CEP43: variants seen among roughly 807,000 people sequenced by gnomAD.
The protein encoded by CEP43 is FGFR1 oncogene partner.
CEP43 carries 36 observed loss-of-function variants against 52.6 expected under a neutral mutation model. That is an observed-to-expected ratio of 0.68 (90% confidence interval 0.52 to 0.90). CEP43 has a LOEUF of 0.90. Among genes scored for constraint, CEP43 ranks in the 40% least tolerant of loss-of-function variants. The pLI is 0.00. For missense variants in CEP43, 506 were observed against 472.8 expected (o/e 1.07, Z -0.65); for synonymous variants, 192 against 172.4 (o/e 1.11, Z -0.89).
At chr6:167,018,425 C>T (rs1241409763) in intron 7 of CEP43, among the ~76,000 whole-genome samples, 1 of 152,060 alleles carries the variant, frequency 6.6e-6, no homozygotes, top group Non-Finnish European at 1.5e-5. Context: ...GATTCTCGCT[C>T]TGTCACCAGG....
At chr6:167,035,684 A>G (rs1004011063) in intron 12 of CEP43, among the ~76,000 whole-genome samples, 24 of 151,102 alleles carry the variant, frequency 1.6e-4, no homozygotes, top group African/African-American at 5.6e-4. Context: ...CTGCTGCCTC[A>G]GCCTCCCGCG....
At chr6:167,026,146 C>T (rs1324585983) in intron 9 of CEP43, among the ~76,000 whole-genome samples, 3 of 152,090 alleles carry the variant, frequency 2.0e-5, no homozygotes, top group Non-Finnish European at 4.4e-5. Flanking sequence ...GGGTGGATCA[C>T]GAGGTCAGGA....
At chr6:167,006,461 G>A (rs1045963707) in intron 5 of CEP43, among the ~76,000 whole-genome samples, 2 of 152,036 alleles carry the variant, frequency 1.3e-5, no homozygotes, top group Non-Finnish European at 2.9e-5. Context: ...GCAGTGAGGC[G>A]AGGTCGTGCC....
chr6:167,024,638 T>G (rs1384360861), intron 8 of CEP43, 144 bp from the exon 9 acceptor site: 22 of 663,288 alleles, frequency 3.3e-5, no homozygotes, highest in Non-Finnish European at 5.6e-5. Flanking sequence ...ACTTTATGGT[T>G]TTGAATCTTT....
chr6:167,024,946 T>C, intron 9 of CEP43, 52 bp downstream of exon 9: 1 of 974,038 alleles, frequency 1.0e-6, no homozygotes, highest in Non-Finnish European at 1.6e-6. Flanking sequence ...TTTCTCTAAT[T>C]AAATACTATG....
chr6:167,015,596 G>A (rs988146532), intron 7 of CEP43, among the ~76,000 whole-genome samples: 1 of 152,182 alleles, frequency 6.6e-6, no homozygotes, highest in African/African-American at 2.4e-5. Flanking sequence ...CTGGGCATGC[G>A]ATGCAGGAGG....
chr6:167,024,859 C>T lies in CEP43; in HGVS notation c.884C>T (p.Ser295Phe). The T allele has an allele frequency of 6.2e-7, 1 of 1,611,424 alleles. No individual in the cohort carries two copies. Among genetic ancestry groups the T allele is most frequent in the Middle Eastern group, 1.7e-4 (1 of 6,058 alleles). ...DAPPLKSGLSSLAGAPSLKDS... is the reference protein window; with the variant it reads ...DAPPLKSGLSFLAGAPSLKDS... ...CCCCCCTTAAAAAGTGGACTCAGCTCCCTGGCGGGAGCCCCTTCTTTAAAA... is the reference window on the plus strand; with the variant it reads ...CCCCCCTTAAAAAGTGGACTCAGCTTCCTGGCGGGAGCCCCTTCTTTAAAA... Residue 295 changes from serine to phenylalanine, a missense_variant, in exon 9 of 13, where the codon TCC becomes TTC. Coordinates refer to ENST00000366847, the MANE Select transcript of CEP43 (RefSeq NM_007045.4).
At chr6:167,016,095 A>T (rs765180724) in intron 7 of CEP43, among the ~76,000 whole-genome samples, 1 of 151,896 alleles carries the variant, frequency 6.6e-6, no homozygotes, top group East Asian at 1.9e-4. Flanking sequence ...AGAAAATTAT[A>T]ACAGACTTTT....
At chr6:167,016,657 C>T (rs1273429694) in intron 7 of CEP43, among the ~76,000 whole-genome samples, 1 of 152,156 alleles carries the variant, frequency 6.6e-6, no homozygotes, top group Non-Finnish European at 1.5e-5. Context: ...TTGGCAGTCA[C>T]CTGAGGATTT....
At chr6:167,001,274 C>G (rs1014444484) in intron 2 of CEP43, among the ~76,000 whole-genome samples, 9 of 152,222 alleles carry the variant, frequency 5.9e-5, no homozygotes, top group African/African-American at 2.2e-4. Context: ...CTTGTGTATA[C>G]TTTCAAGTCT....
At chr6:167,017,570 A>C (rs982814929) in intron 7 of CEP43, among the ~76,000 whole-genome samples, 2 of 151,208 alleles carry the variant, frequency 1.3e-5, no homozygotes, top group Non-Finnish European at 2.9e-5. Context: ...CTACATGAAC[A>C]GTTTGGAAAA....
chr6:167,006,524 AAAG>A (rs1779858355), intron 5 of CEP43, among the ~76,000 whole-genome samples: 1 of 152,320 alleles, frequency 6.6e-6, no homozygotes, highest in South Asian at 2.1e-4. Context: ...AAAAAGAAAA[AAAG>A]AAAATATTTG....
intron 5 of CEP43, among the ~76,000 whole-genome samples, chr6:167,010,435 A>G (rs1346398973): frequency 6.6e-6 from 1 of 152,232 alleles, no homozygotes; most frequent in Non-Finnish European, 1.5e-5. Flanking sequence ...AAAATGAAGT[A>G]GGGAAACAAA....
intron 9 of CEP43, among the ~76,000 whole-genome samples, chr6:167,026,205 A>T (rs2128665357): frequency 6.6e-6 from 1 of 152,318 alleles, no homozygotes; most frequent in Middle Eastern, 3.4e-3. Context: ...TCTACTAAAA[A>T]TACAAAAATT....
intron 5 of CEP43, among the ~76,000 whole-genome samples, chr6:167,008,855 G>T (rs536317598): frequency 6.6e-6 from 1 of 152,278 alleles, no homozygotes; most frequent in Admixed American, 6.5e-5. Flanking sequence ...TAGAAGATTT[G>T]TGGAGGTTAG....
At chr6:167,021,046 A>G (rs1026696137) in intron 7 of CEP43, among the ~76,000 whole-genome samples, 1 of 150,166 alleles carries the variant, frequency 6.7e-6, no homozygotes, top group Non-Finnish European at 1.5e-5. Flanking sequence ...CCTGGATGAC[A>G]TAGTGAGAGC....
Position 167,000,073 on chromosome 6 carries a change from C to G in CEP43, c.116C>G (p.Ala39Gly). Residue 39 changes from alanine to glycine, a missense_variant, in exon 2 of 13, where the codon GCA becomes GGA. Coordinates refer to ENST00000366847, the MANE Select transcript of CEP43 (RefSeq NM_007045.4). ...CTTTTTTTTAAGGCTGAACTCCGAG[C>G]AGCTGTGTTTTTAGCACTAGAGGAG... ...VLNRIKAELR[A>G]AVFLALEEQE... 1.1e-5 allele frequency: 17 copies of G among 1,612,388 alleles called. No homozygotes were observed. The highest frequency in any genetic ancestry group is 1.7e-5 in the Admixed American group (1 of 59,928).
intron 5 of CEP43, among the ~76,000 whole-genome samples, chr6:167,005,911 T>G (rs1240264026): frequency 6.6e-6 from 1 of 152,176 alleles, no homozygotes; most frequent in African/African-American, 2.4e-5. Context: ...ATTGCAGTGG[T>G]GTTTATGCAT....
chr6:167,037,686 G>T (rs937099009), intron 12 of CEP43, among the ~76,000 whole-genome samples: 2 of 152,186 alleles, frequency 1.3e-5, no homozygotes, highest in African/African-American at 2.4e-5. Context: ...GAGGATATGT[G>T]GGGGGCAGAT....
Sources: gnomAD v4.1 joint callset for allele counts (sites outside exome capture counted in the v4.1 genomes callset) on GRCh38, gnomAD v4.1.1 for gene constraint, MANE v1.5 for transcripts, NCBI Gene and HGNC (gene_info 2026-07-23, HGNC 2026-07-21) for gene names.